The following GPBP1L1 variants were observed in gnomAD, a reference collection of about 807,000 sequenced individuals.
GPBP1L1 encodes the protein GC-rich promoter binding protein 1 like 1.
A neutral mutation model predicts 52.5 loss-of-function variants in GPBP1L1; 23 were observed. The observed-to-expected ratio is 0.44, with a 90% CI of 0.32 to 0.62. The LOEUF is 0.62. Ranked by LOEUF, GPBP1L1 falls within the 20% of genes least tolerant of loss-of-function variation. The pLI is 0.06. For missense variants in GPBP1L1, 596 were observed against 579.3 expected (o/e 1.03, Z -0.30); for synonymous variants, 243 against 203.1 (o/e 1.20, Z -1.67).
At chr1:45,687,853 G>A (rs1003668178), upstream of GPBP1L1, 1 of 152,136 alleles carries the variant, frequency 6.6e-6, no homozygotes, top group Non-Finnish European at 1.5e-5. Flanking sequence ...TATAAACCCT[G>A]TTTTGCAAAG....
intron 4 of GPBP1L1, among the ~76,000 whole-genome samples, chr1:45,658,053 C>T (rs12072537): frequency 0.015 from 2,254 of 152,212 alleles, 29 homozygotes; most frequent in African/African-American, 0.027. Flanking sequence ...ACTAGCTTCC[C>T]AAACGTTTTA....
intron 4 of GPBP1L1, 190 bp from the exon 5 acceptor site, chr1:45,655,509 T>C (rs909638666): frequency 2.0e-6 from 1 of 495,292 alleles, no homozygotes; most frequent in Non-Finnish European, 3.5e-6. Context: ...ATATATTCAA[T>C]TGCTAATTCA....
At position 45,660,231 on chromosome 1, in the gene GPBP1L1, G is replaced by A. The variant is rs1209714715; in HGVS notation, c.-103C>T. 2 of 985,220 alleles carry A rather than the reference G, an allele frequency of 2.0e-6. No individual in the cohort carries two copies. Among genetic ancestry groups the A allele is most frequent in the African/African-American group, 3.5e-5 (2 of 57,206 alleles). 61.0% of individuals were successfully genotyped at this position (985,220 alleles called of 1,614,324 possible). The stretch of plus-strand genomic sequence containing the variant: ...CCTGTTTCTGAACTCGAGTCGGCCA[G>A]CTGGATCTCCCACAAGGTTTCCTTG... On this transcript the variant is annotated 5_prime_UTR_variant, in exon 3 of 13. Coordinates refer to ENST00000355105, the MANE Select transcript of GPBP1L1 (RefSeq NM_021639.5).
intron 6 of GPBP1L1, chr1:45,646,304 T>G (rs1162261944): frequency 5.5e-6 from 1 of 181,418 alleles, no homozygotes; most frequent in Admixed American, 6.2e-5. Flanking sequence ...AAGCACAAAA[T>G]CTTTGGCTCA....
At chr1:45,656,610 C>G (rs879798495) in intron 4 of GPBP1L1, among the ~76,000 whole-genome samples, 2 of 152,012 alleles carry the variant, frequency 1.3e-5, no homozygotes, top group Non-Finnish European at 2.9e-5. Context: ...AACACTATCA[C>G]TTCCCCATTG....
chr1:45,650,680 CCTA>C (rs1644809114), intron 6 of GPBP1L1, among the ~76,000 whole-genome samples: 1 of 152,180 alleles, frequency 6.6e-6, no homozygotes, highest in Non-Finnish European at 1.5e-5. Context: ...TTTTTATCTA[CCTA>C]CTTTTTCTTG....
At chr1:45,629,725 C>G (rs369910140) in intron 11 of GPBP1L1, 47 bp from the exon 12 acceptor site, 1 of 1,187,832 alleles carries the variant, frequency 8.4e-7, no homozygotes, top group South Asian at 1.2e-5. Context: ...CATCACTAAG[C>G]CTAAGTGAAC....
intron 2 of GPBP1L1, among the ~76,000 whole-genome samples, chr1:45,671,762 C>T (rs964523058): frequency 1.3e-5 from 2 of 151,766 alleles, no homozygotes; most frequent in African/African-American, 2.4e-5. Context: ...AAGCTGAGGC[C>T]GCAGTGAGCA....
At chr1:45,685,940 G>A (rs1202749173) in intron 1 of GPBP1L1, among the ~76,000 whole-genome samples, 2 of 152,036 alleles carry the variant, frequency 1.3e-5, no homozygotes, top group African/African-American at 4.8e-5. Context: ...GAAAGCTGGG[G>A]GTTAAAACTT....
At chr1:45,680,916 T>A (rs1467445868) in intron 2 of GPBP1L1, among the ~76,000 whole-genome samples, 3 of 151,930 alleles carry the variant, frequency 2.0e-5, no homozygotes, top group Non-Finnish European at 2.9e-5. Flanking sequence ...GGGAAAAAAA[T>A]TCAGTTTTGA....
At chr1:45,645,878 T>C in intron 6 of GPBP1L1, 1 of 508,730 alleles carries the variant, frequency 2.0e-6, no homozygotes, top group Non-Finnish European at 3.8e-6. Flanking sequence ...TCATGGTCCA[T>C]GATACCAGCT....
At chr1:45,682,795 A>G (rs1272154120) in intron 2 of GPBP1L1, among the ~76,000 whole-genome samples, 1 of 152,218 alleles carries the variant, frequency 6.6e-6, no homozygotes, top group Non-Finnish European at 1.5e-5. Flanking sequence ...TACCTCAGTT[A>G]AAGTATACCT....
chr1:45,645,702 T>C (rs1051065725), intron 6 of GPBP1L1: 7 of 327,110 alleles, frequency 2.1e-5, no homozygotes, highest in African/African-American at 1.1e-4. Flanking sequence ...TCTGGTTAGT[T>C]TGTCAGAAGC....
At chr1:45,669,156 A>G (rs887401415) in intron 2 of GPBP1L1, among the ~76,000 whole-genome samples, 1 of 152,218 alleles carries the variant, frequency 6.6e-6, no homozygotes, top group Non-Finnish European at 1.5e-5. Flanking sequence ...GTTTGGCTCA[A>G]ATACAGAGAT....
At chr1:45,638,854 C>G (rs191509573) in intron 8 of GPBP1L1, among the ~76,000 whole-genome samples, 2 of 152,032 alleles carry the variant, frequency 1.3e-5, no homozygotes, top group Admixed American at 6.6e-5. Context: ...ATAATTTCTT[C>G]CCGGGTAAGA....
chr1:45,636,036 T>C (rs1644589811), intron 8 of GPBP1L1, among the ~76,000 whole-genome samples: 1 of 152,216 alleles, frequency 6.6e-6, no homozygotes, highest in South Asian at 2.1e-4. Context: ...CACTCGTTCA[T>C]TAACTATTTA....
chr1:45,669,147 T>C (rs1162673851), intron 2 of GPBP1L1, among the ~76,000 whole-genome samples: 4 of 152,228 alleles, frequency 2.6e-5, no homozygotes, highest in Admixed American at 1.3e-4. Context: ...ACCATTTAAG[T>C]TTGGCTCAAA....
chr1:45,628,695 G>A (rs1557691238), intron 12 of GPBP1L1, among the ~76,000 whole-genome samples: 1 of 151,954 alleles, frequency 6.6e-6, no homozygotes, highest in Non-Finnish European at 1.5e-5. Flanking sequence ...ACGGAATCTC[G>A]CTCTGTCACC....
rs1644472460 is a variant in GPBP1L1, at chr1:45,627,705, T to C, written c.*551A>G. 6.7e-6 allele frequency: 1 copy of C among 148,304 alleles called. No homozygotes were observed. The highest frequency in any genetic ancestry group is 1.5e-5 in the Non-Finnish European group (1 of 67,450). The allele number at this position is 148,304 out of a possible 1,614,324, so 9.2% of individuals were successfully genotyped here. ...TTCCTATATCCAAATATTTTACAGC[T>C]GTACCCAAAAAGGAAAAAGAAAAAA... is the stretch of plus-strand genomic sequence containing the variant. On this transcript the variant is annotated 3_prime_UTR_variant, in exon 13 of 13. Coordinates refer to ENST00000355105, the MANE Select transcript of GPBP1L1 (RefSeq NM_021639.5).
Sources: gnomAD v4.1 joint callset for allele counts (sites outside exome capture counted in the v4.1 genomes callset) on GRCh38, gnomAD v4.1.1 for gene constraint, MANE v1.5 for transcripts, NCBI Gene and HGNC (gene_info 2026-07-23, HGNC 2026-07-21) for gene names.